DOCK4: variants seen among roughly 807,000 people sequenced by gnomAD.
DOCK4 encodes the protein dedicator of cytokinesis protein 4.
DOCK4 carries 97 observed loss-of-function variants against 268.1 expected under a neutral mutation model. The observed-to-expected ratio is 0.36, with a 90% CI of 0.31 to 0.43. The LOEUF (loss-of-function observed/expected upper bound fraction) is 0.43, where lower values mean the gene tolerates loss of function less well. Among genes scored for constraint, DOCK4 ranks in the 20% least tolerant of loss-of-function variants. The probability of loss-of-function intolerance (pLI) is 1.00; values close to 1 mark genes in which losing one functional copy is unlikely to be tolerated. For missense variants in DOCK4, 2,145 were observed against 2,455.7 expected, an observed-to-expected ratio of 0.87 and a Z score of 2.67; for synonymous variants, 954 against 887.2, an observed-to-expected ratio of 1.08 and a Z score of -1.34.
At chr7:111,914,988 GCTGA>G (rs1217394179) in intron 13 of DOCK4, among the ~76,000 whole-genome samples, 1 of 152,170 alleles carries the variant, frequency 6.6e-6, no homozygotes, top group African/African-American at 2.4e-5. Context: ...ATCAATGCCT[GCTGA>G]CTGACTAAAT....
intron 36 of DOCK4, among the ~76,000 whole-genome samples, chr7:111,771,304 T>C (rs968429204): frequency 6.6e-6 from 1 of 152,178 alleles, no homozygotes; most frequent in Admixed American, 6.5e-5. Context: ...CCAGTCCTCA[T>C]AGTTGGAGCC....
At chr7:112,033,928 A>G (rs1031666298) in intron 1 of DOCK4, among the ~76,000 whole-genome samples, 2 of 152,224 alleles carry the variant, frequency 1.3e-5, no homozygotes, top group African/African-American at 4.8e-5. Context: ...GAGTTCTCAA[A>G]TGATAGCATA....
At chr7:111,983,859 C>T (rs1171910478) in intron 7 of DOCK4, among the ~76,000 whole-genome samples, 1 of 116,396 alleles carries the variant, frequency 8.6e-6, no homozygotes, top group Non-Finnish European at 1.8e-5. Flanking sequence ...CGCGCGCGCG[C>T]GCGCACACAC....
chr7:112,101,883 C>T (rs1407174777), intron 1 of DOCK4, among the ~76,000 whole-genome samples: 1 of 150,752 alleles, frequency 6.6e-6, no homozygotes, highest in Non-Finnish European at 1.5e-5. Context: ...TGCTCTGTTG[C>T]CCAGGCTGGA....
At position 111,741,112 on chromosome 7, in the gene DOCK4, A is replaced by G; in HGVS notation, c.5022T>C (p.Asp1674=). ...TAAGTACCTGCATGTTAAAGACTTC[A>G]TCAGAGCTTTCTGATTGCCCTGTAA... ...SNITGQSESS[D]EVFNMQPSPS... The change falls in exon 47 of 53, where the codon GAT becomes GAC. Residue 1674 remains aspartate, a synonymous_variant. Transcript: ENST00000428084. The G allele has an allele frequency of 2.5e-6, 4 of 1,613,966 alleles. No individual in the cohort carries two copies. The highest frequency in any genetic ancestry group is 3.4e-6 in the Non-Finnish European group (4 of 1,179,880).
intron 1 of DOCK4, among the ~76,000 whole-genome samples, chr7:112,074,223 T>A (rs1273347831): frequency 6.6e-6 from 1 of 152,174 alleles, no homozygotes; most frequent in Non-Finnish European, 1.5e-5. Context: ...CAGGCAGATG[T>A]GGGTGAGTAT....
chr7:111,753,705 C>T (rs1478150410), intron 42 of DOCK4, among the ~76,000 whole-genome samples: 1 of 152,112 alleles, frequency 6.6e-6, no homozygotes, highest in Non-Finnish European at 1.5e-5. Flanking sequence ...ACTACCTGTC[C>T]CTGTTCTTGA....
chr7:111,850,566 A>G (rs2134112826), intron 23 of DOCK4, among the ~76,000 whole-genome samples: 1 of 152,278 alleles, frequency 6.6e-6, no homozygotes, highest in South Asian at 2.1e-4. Context: ...GCCTGAAGCA[A>G]CTGAAGAACC....
intron 1 of DOCK4, among the ~76,000 whole-genome samples, chr7:112,167,300 C>G (rs1309689021): frequency 6.6e-6 from 1 of 152,128 alleles, no homozygotes; most frequent in African/African-American, 2.4e-5. Context: ...AACAGAAAAA[C>G]AGAAGCAGGT....
chr7:111,762,182 C>CT (rs1045716730), intron 39 of DOCK4, among the ~76,000 whole-genome samples: 45 of 151,148 alleles, frequency 3.0e-4, no homozygotes, highest in African/African-American at 7.0e-4. Flanking sequence ...TATCAGTACT[C>CT]TTTTTTTTTC....
intron 8 of DOCK4, among the ~76,000 whole-genome samples, chr7:111,956,502 T>C (rs1796460466): frequency 1.3e-5 from 2 of 152,174 alleles, no homozygotes; most frequent in Non-Finnish European, 1.5e-5. Flanking sequence ...GGAAGAAGAT[T>C]AAGCTGAAAG....
At chr7:112,084,992 C>G (rs1441199680) in intron 1 of DOCK4, among the ~76,000 whole-genome samples, 1 of 152,018 alleles carries the variant, frequency 6.6e-6, no homozygotes, top group Non-Finnish European at 1.5e-5. Flanking sequence ...AGTGGTCAAG[C>G]AGGAATTTGG....
At chr7:112,056,751 A>G (rs1277613774) in intron 1 of DOCK4, among the ~76,000 whole-genome samples, 2 of 152,230 alleles carry the variant, frequency 1.3e-5, no homozygotes, top group African/African-American at 4.8e-5. Context: ...AAGCATGTGC[A>G]AACAAAAACT....
chr7:111,804,279 C>T (rs961991680), intron 30 of DOCK4, among the ~76,000 whole-genome samples: 5 of 152,192 alleles, frequency 3.3e-5, no homozygotes, highest in African/African-American at 1.2e-4. Context: ...AATTTTGATA[C>T]ATTACAACAT....
At chr7:111,816,200 A>G (rs1472920486) in intron 27 of DOCK4, among the ~76,000 whole-genome samples, 1 of 152,072 alleles carries the variant, frequency 6.6e-6, no homozygotes, top group East Asian at 1.9e-4. Flanking sequence ...CAATTTGATA[A>G]TCTGCTCATA....
intron 8 of DOCK4, among the ~76,000 whole-genome samples, chr7:111,954,735 T>A (rs1026321588): frequency 6.6e-6 from 1 of 152,134 alleles, no homozygotes; most frequent in East Asian, 1.9e-4. Flanking sequence ...CGTCCTCACA[T>A]GGGGCTGATG....
intron 47 of DOCK4, 31 bp from the exon 48 acceptor site, chr7:111,739,508 CCT>C (rs1563433362): frequency 6.5e-7 from 1 of 1,540,532 alleles, no homozygotes; most frequent in Admixed American, 2.0e-5. Context: ...ATTATCATAC[CCT>C]GATTAAAGGC....
chr7:111,776,365 C>T (rs1022679303), intron 36 of DOCK4, among the ~76,000 whole-genome samples: 1 of 152,126 alleles, frequency 6.6e-6, no homozygotes, highest in Admixed American at 6.5e-5. Context: ...AAAATAACTA[C>T]ATGGAAATTT....
chr7:111,766,948 C>T, intron 38 of DOCK4, 84 bp downstream of exon 38: 1 of 1,088,502 alleles, frequency 9.2e-7, no homozygotes, highest in East Asian at 2.4e-5. Flanking sequence ...TGCAAGACCA[C>T]AAAGTTAATT....
Sources: gnomAD v4.1 joint callset for allele counts (sites outside exome capture counted in the v4.1 genomes callset) on GRCh38, gnomAD v4.1.1 for gene constraint, MANE v1.5 for transcripts, NCBI Gene and HGNC (gene_info 2026-07-23, HGNC 2026-07-21) for gene names.